ZNF521: variants seen among roughly 807,000 people sequenced by gnomAD.
ZNF521 encodes the protein zinc finger protein 521.
ZNF521 carries 14 observed loss-of-function variants against 105.5 expected under a neutral mutation model. That is an observed-to-expected ratio of 0.13 (90% CI 0.09 to 0.21). The LOEUF (loss-of-function observed/expected upper bound fraction) is 0.21, where lower values mean the gene tolerates loss of function less well. ZNF521 is among the 10% of genes least tolerant of loss of function. The pLI, the probability that ZNF521 is intolerant of heterozygous loss-of-function variation, is 1.00. For missense variants in ZNF521, 1,233 were observed against 1,629.7 expected (o/e 0.76, Z 4.19); for synonymous variants, 635 against 606.0 (o/e 1.05, Z -0.70).
chr18:25,183,571 T>A (rs1377439196), intron 5 of ZNF521, among the ~76,000 whole-genome samples: 1 of 152,158 alleles, frequency 6.6e-6, no homozygotes, highest in East Asian at 1.9e-4. Context: ...TTTTTACTTA[T>A]GTGCTGCAAA....
intron 4 of ZNF521, among the ~76,000 whole-genome samples, chr18:25,211,461 T>G (rs1222600679): frequency 1.3e-5 from 2 of 152,232 alleles, no homozygotes; most frequent in Non-Finnish European, 2.9e-5. Flanking sequence ...TTACTCTTTC[T>G]CTAAATTTGC....
intron 7 of ZNF521, among the ~76,000 whole-genome samples, chr18:25,078,160 G>A (rs1430585976): frequency 6.6e-6 from 1 of 152,112 alleles, no homozygotes; most frequent in Non-Finnish European, 1.5e-5. Flanking sequence ...CGAGACTCTG[G>A]GGCGGCTGGG....
intron 2 of ZNF521, chr18:25,327,550 A>G (rs1305779865): frequency 2.9e-6 from 2 of 692,348 alleles, no homozygotes; most frequent in African/African-American, 3.7e-5. Context: ...TTATGTTTAT[A>G]CTTTTTAAGA....
chr18:25,090,036 G>A (rs1298752735), intron 6 of ZNF521, among the ~76,000 whole-genome samples: 1 of 152,058 alleles, frequency 6.6e-6, no homozygotes, highest in Non-Finnish European at 1.5e-5. Flanking sequence ...AGCTACTCTG[G>A]GGCACTGTCT....
chr18:25,086,062 G>A (rs966329363), intron 7 of ZNF521, among the ~76,000 whole-genome samples: 1 of 151,974 alleles, frequency 6.6e-6, no homozygotes, highest in African/African-American at 2.4e-5. Context: ...CTGAACTTTG[G>A]TGGCATAAAA....
intron 4 of ZNF521, chr18:25,224,043 C>A: frequency 3.1e-6 from 1 of 321,940 alleles, no homozygotes; most frequent in Non-Finnish European, 5.8e-6. Flanking sequence ...CACGGTGAAG[C>A]TATGCTGAGA....
intron 5 of ZNF521, among the ~76,000 whole-genome samples, chr18:25,101,725 G>A (rs2033968817): frequency 6.6e-6 from 1 of 152,132 alleles, no homozygotes; most frequent in Non-Finnish European, 1.5e-5. Context: ...CAGACTAGCA[G>A]AAGCAAAGGG....
chr18:25,284,910 G>A (rs12966673), intron 3 of ZNF521, among the ~76,000 whole-genome samples: 7,156 of 148,602 alleles, frequency 0.048, 396 homozygotes, highest in African/African-American at 0.14. Flanking sequence ...GTGCGCGCGC[G>A]CACACACACA....
intron 3 of ZNF521, among the ~76,000 whole-genome samples, chr18:25,291,588 T>C (rs1186004792): frequency 6.6e-6 from 1 of 152,170 alleles, no homozygotes; most frequent in Non-Finnish European, 1.5e-5. Context: ...AGGCTCATCT[T>C]CCACCAGGAG....
chr18:25,300,765 T>C (rs555257392), intron 3 of ZNF521, among the ~76,000 whole-genome samples: 5 of 152,322 alleles, frequency 3.3e-5, no homozygotes, highest in South Asian at 2.1e-4. Flanking sequence ...TCAGTAAGGA[T>C]AGAAAAAAGT....
At chr18:25,172,879 C>T (rs1269535189) in intron 5 of ZNF521, among the ~76,000 whole-genome samples, 2 of 152,158 alleles carry the variant, frequency 1.3e-5, no homozygotes, top group Non-Finnish European at 2.9e-5. Context: ...CAAGGATGCA[C>T]CACCCAATAT....
intron 5 of ZNF521, among the ~76,000 whole-genome samples, chr18:25,114,308 A>G (rs773219609): frequency 1.3e-5 from 2 of 152,214 alleles, no homozygotes; most frequent in African/African-American, 2.4e-5. Context: ...TGTCATTTTT[A>G]TACCAAGAGA....
chr18:25,291,141 G>A (rs1467525490), intron 3 of ZNF521, among the ~76,000 whole-genome samples: 4 of 152,136 alleles, frequency 2.6e-5, no homozygotes, highest in Non-Finnish European at 5.9e-5. Context: ...GATAAGAAAT[G>A]GAGGTTCTTT....
chr18:25,343,750 G>C (rs1914335554), intron 2 of ZNF521, among the ~76,000 whole-genome samples: 2 of 151,880 alleles, frequency 1.3e-5, no homozygotes, highest in Admixed American at 1.3e-4. Flanking sequence ...TTCTTTTCAG[G>C]ATTTTTCAAA....
chr18:25,263,537 T>C (rs1909055529), intron 3 of ZNF521, among the ~76,000 whole-genome samples: 1 of 152,044 alleles, frequency 6.6e-6, no homozygotes, highest in African/African-American at 2.4e-5. Flanking sequence ...TTTGTATTTT[T>C]AGTAGAGACG....
At chr18:25,118,446 T>C (rs145929102) in intron 5 of ZNF521, among the ~76,000 whole-genome samples, 7 of 152,158 alleles carry the variant, frequency 4.6e-5, no homozygotes, top group African/African-American at 7.2e-5. Context: ...CAAAAAATTA[T>C]AGCATTATCT....
At chr18:25,325,019 A>C (rs1394957754) in intron 2 of ZNF521, among the ~76,000 whole-genome samples, 1 of 152,172 alleles carries the variant, frequency 6.6e-6, no homozygotes, top group Non-Finnish European at 1.5e-5. Flanking sequence ...TTCTGCTGCA[A>C]CTTTAGGATG....
rs559282435 is a variant in ZNF521, at chr18:25,132,779, G to A, written c.3659-40698C>T. On this transcript the variant is annotated intron_variant, in intron 5 of 7. Transcript: ENST00000361524. ...GCCCCCTTGGGCCGTTCTCCTGTTA[G>A]CTAAAATATCTTATAAATTACTGTA... Among the ~76,000 whole-genome samples, 131 of 152,280 alleles carry A rather than the reference G, an allele frequency of 8.6e-4. 1 individual carries two copies. Among genetic ancestry groups the A allele is most frequent in the Non-Finnish European group, 1.6e-3 (107 of 68,016 alleles).
intron 7 of ZNF521, among the ~76,000 whole-genome samples, chr18:25,084,894 C>T (rs951173557): frequency 6.6e-6 from 1 of 152,148 alleles, no homozygotes; most frequent in Non-Finnish European, 1.5e-5. Flanking sequence ...CTTGCTCACA[C>T]CTGCATAAAC....
Sources: gnomAD v4.1 joint callset for allele counts (sites outside exome capture counted in the v4.1 genomes callset) on GRCh38, gnomAD v4.1.1 for gene constraint, MANE v1.5 for transcripts, NCBI Gene and HGNC (gene_info 2026-07-23, HGNC 2026-07-21) for gene names.